The following SLC13A3 variants were observed in gnomAD, a reference collection of about 807,000 sequenced individuals.
SLC13A3 encodes solute carrier family 13 member 3.
Under a neutral mutation model 59.0 loss-of-function variants are expected in SLC13A3, and 40 were observed. The ratio of observed to expected loss-of-function variants is 0.68; its 90% CI spans 0.53 to 0.88. The LOEUF (loss-of-function observed/expected upper bound fraction) is 0.88, where lower values mean the gene tolerates loss of function less well. Among genes scored for constraint, SLC13A3 ranks in the 40% least tolerant of loss-of-function variants. SLC13A3 has a pLI of 0.00. For missense variants in SLC13A3, 699 were observed against 783.2 expected (o/e 0.89, Z 1.28); for synonymous variants, 317 against 330.3 (o/e 0.96, Z 0.44).
At chr20:46,612,677 T>A (rs1271341546) in intron 2 of SLC13A3, among the ~76,000 whole-genome samples, 1 of 152,150 alleles carries the variant, frequency 6.6e-6, no homozygotes, top group Non-Finnish European at 1.5e-5. Flanking sequence ...GCATTATGCA[T>A]TTAAAAACAT....
intron 1 of SLC13A3, among the ~76,000 whole-genome samples, chr20:46,620,927 A>C (rs2062607865): frequency 6.6e-6 from 1 of 152,238 alleles, no homozygotes; most frequent in African/African-American, 2.4e-5. Flanking sequence ...TCTTCTAAGA[A>C]TTGTAACAGG....
At chr20:46,674,474 G>A (rs2063110621), upstream of SLC13A3, among the ~76,000 whole-genome samples, 1 of 152,180 alleles carries the variant, frequency 6.6e-6, no homozygotes, top group South Asian at 2.1e-4. Flanking sequence ...TACAAACACG[G>A]AGAGGCCTTT....
At position 46,592,396 on chromosome 20, in the gene SLC13A3, A is replaced by G; in HGVS notation, c.920+8T>C. 1 of 1,613,738 alleles carries G rather than the reference A, an allele frequency of 6.2e-7. No homozygotes were observed. The highest frequency in any genetic ancestry group is 8.5e-7 in the Non-Finnish European group (1 of 1,179,770). On this transcript the variant is annotated splice_region_variant and intron_variant, in intron 6 of 12. Coordinates refer to ENST00000279027, the MANE Select transcript of SLC13A3 (RefSeq NM_022829.6). ...CCACTCTATTGCCAAAAAGAAAATG[A>G]GAGGTACCTGAAGCTCAGTCCCCCG...
At chr20:46,571,162 C>T (rs542658291) in intron 10 of SLC13A3, among the ~76,000 whole-genome samples, 346 of 152,270 alleles carry the variant, frequency 2.3e-3, no homozygotes, top group Non-Finnish European at 2.8e-3. Flanking sequence ...TAAGGGTAAC[C>T]GCCCCCACGA....
intron 11 of SLC13A3, 89 bp downstream of exon 11, chr20:46,566,140 G>A: frequency 2.8e-6 from 3 of 1,061,326 alleles, no homozygotes; most frequent in Non-Finnish European, 4.3e-6. Flanking sequence ...TGGCAACTGT[G>A]GCCCCCAGTG....
At chr20:46,678,112 C>T (rs1033646617) in intron 1 of SLC13A3, among the ~76,000 whole-genome samples, 1 of 152,116 alleles carries the variant, frequency 6.6e-6, no homozygotes, top group African/African-American at 2.4e-5. Flanking sequence ...AAACTGAGGC[C>T]CAGGGAAGTC....
chr20:46,664,327 G>T (rs1174948541), intron 1 of SLC13A3, among the ~76,000 whole-genome samples: 2 of 152,184 alleles, frequency 1.3e-5, no homozygotes, highest in Non-Finnish European at 2.9e-5. Context: ...TCCTGAGTTA[G>T]TACAGAATCT....
upstream of SLC13A3, among the ~76,000 whole-genome samples, chr20:46,655,302 T>C (rs2062977432): frequency 6.6e-6 from 1 of 150,600 alleles, no homozygotes; most frequent in Admixed American, 6.6e-5. Context: ...TACACATATA[T>C]ACACACACAT....
intron 11 of SLC13A3, 60 bp from the exon 12 acceptor site, chr20:46,563,611 A>G (rs1751607279): frequency 3.0e-6 from 4 of 1,328,744 alleles, no homozygotes; most frequent in Non-Finnish European, 3.9e-6. Flanking sequence ...GACCACAGCA[A>G]GAGGGAGAGA....
At chr20:46,655,052 A>G (rs2062974282), upstream of SLC13A3, among the ~76,000 whole-genome samples, 1 of 152,068 alleles carries the variant, frequency 6.6e-6, no homozygotes, top group Non-Finnish European at 1.5e-5. Context: ...TTTCTTCTCC[A>G]TAGGTAAGGT....
intron 1 of SLC13A3, among the ~76,000 whole-genome samples, chr20:46,636,617 G>A (rs2062797636): frequency 6.6e-6 from 1 of 152,116 alleles, no homozygotes; most frequent in South Asian, 2.1e-4. Context: ...CCTCATCACA[G>A]CCCCATGAGG....
chr20:46,664,032 A>T (rs1255820843), intron 1 of SLC13A3, among the ~76,000 whole-genome samples: 1 of 152,146 alleles, frequency 6.6e-6, no homozygotes, highest in Non-Finnish European at 1.5e-5. Context: ...TGCTACATGC[A>T]CTTCTTTAAA....
At chr20:46,637,871 T>A (rs2062809606) in intron 1 of SLC13A3, among the ~76,000 whole-genome samples, 1 of 151,858 alleles carries the variant, frequency 6.6e-6, no homozygotes, top group Non-Finnish European at 1.5e-5. Flanking sequence ...TCCTCCTCCA[T>A]CCCCCAGGAG....
At position 46,651,455 on chromosome 20, in the gene SLC13A3, G is replaced by T; in HGVS notation, c.-34C>A. On this transcript the variant is annotated 5_prime_UTR_variant, in exon 1 of 13. Coordinates refer to ENST00000279027, the MANE Select transcript of SLC13A3 (RefSeq NM_022829.6). ...TCGCCTGGCGGTACGGGCCGGCCCG[G>T]GACTGCCCCGCCTGGCCCCGGCGCC... 1 of 1,401,284 alleles carries T rather than the reference G, an allele frequency of 7.1e-7. No homozygotes were observed. Among genetic ancestry groups the T allele is most frequent in the Non-Finnish European group, 9.2e-7 (1 of 1,088,298 alleles). 86.8% of individuals were successfully genotyped at this position (1,401,284 alleles called of 1,614,324 possible).
At chr20:46,640,223 GGT>G (rs2062834095) in intron 1 of SLC13A3, among the ~76,000 whole-genome samples, 1 of 152,188 alleles carries the variant, frequency 6.6e-6, no homozygotes, top group Non-Finnish European at 1.5e-5. Context: ...CAGCCTCCCA[GGT>G]GTCGGCACTT....
intron 6 of SLC13A3, among the ~76,000 whole-genome samples, chr20:46,591,536 T>C (rs1020735213): frequency 6.6e-6 from 1 of 152,244 alleles, no homozygotes; most frequent in Admixed American, 6.5e-5. Flanking sequence ...CTCAAGTCTC[T>C]GGGTCTGAAG....
upstream of SLC13A3, among the ~76,000 whole-genome samples, chr20:46,653,298 A>G (rs1705545975): frequency 6.6e-6 from 1 of 152,188 alleles, no homozygotes; most frequent in Non-Finnish European, 1.5e-5. Context: ...TGATCGGGTT[A>G]AGCTCTCTGC....
chr20:46,670,651 T>C (rs1031800057), upstream of SLC13A3, among the ~76,000 whole-genome samples: 1 of 152,182 alleles, frequency 6.6e-6, no homozygotes, highest in Non-Finnish European at 1.5e-5. Context: ...ATTTTGGATG[T>C]CTCAGCCCCA....
chr20:46,657,481 A>G (rs1487795480), intron 1 of SLC13A3, among the ~76,000 whole-genome samples: 2 of 151,894 alleles, frequency 1.3e-5, no homozygotes, highest in East Asian at 3.8e-4. Flanking sequence ...TTTGGCTCTT[A>G]TTTAAAACTT....
Sources: gnomAD v4.1 joint callset for allele counts (sites outside exome capture counted in the v4.1 genomes callset) on GRCh38, gnomAD v4.1.1 for gene constraint, MANE v1.5 for transcripts, NCBI Gene and HGNC (gene_info 2026-07-23, HGNC 2026-07-21) for gene names.